The following EBF2 variants were observed in gnomAD, a reference collection of about 807,000 sequenced individuals.
EBF2 encodes the protein EBF transcription factor 2, also known as transcription factor COE2.
Under a neutral mutation model 72.8 loss-of-function variants are expected in EBF2, and 21 were observed. The observed-to-expected ratio is 0.29, with a 90% CI of 0.20 to 0.42. The LOEUF (loss-of-function observed/expected upper bound fraction) is 0.42. EBF2 is among the 10% of genes least tolerant of loss of function. The probability of loss-of-function intolerance (pLI) is 1.00; values close to 1 mark genes in which losing one functional copy is unlikely to be tolerated. For missense variants in EBF2, 637 were observed against 731.2 expected (o/e 0.87, Z 1.49); for synonymous variants, 299 against 274.2 (o/e 1.09, Z -0.89).
At position 25,850,750 on chromosome 8, in the gene EBF2, T is replaced by C. The variant is rs561096279; in HGVS notation, c.1540A>G (p.Ser514Gly). ...GTGCTGGAAGACCCAACGGTGGGAC[T>C]TGATGACATGACTGGAAAGCAAATG... ...TGSPYGIMSS[S>G]PTVGSSSTSS... The change falls in exon 15 of 16, where the codon AGT (serine) becomes GGT (glycine). Residue 514 changes from serine (S) to glycine (G), a missense_variant. This residue lies in a region of EBF2 where 259 missense variants were observed against 268.1 expected (regional missense o/e 0.97). Coordinates refer to ENST00000520164, the MANE Select transcript of EBF2 (RefSeq NM_022659.4). 3.2e-6 allele frequency: 5 copies of C among 1,561,194 alleles called. No individual in the cohort carries two copies. In the South Asian group the frequency reaches 4.9e-5, roughly 15 times the overall value.
chr8:25,879,746 C>G (rs1375903532), intron 10 of EBF2, among the ~76,000 whole-genome samples: 1 of 152,198 alleles, frequency 6.6e-6, no homozygotes, highest in African/African-American at 2.4e-5. Context: ...CATATCTCCA[C>G]TCTTTCATGG....
At chr8:26,008,050 C>T (rs572030788) in intron 6 of EBF2, among the ~76,000 whole-genome samples, 1 of 152,112 alleles carries the variant, frequency 6.6e-6, no homozygotes, top group South Asian at 2.1e-4. Context: ...AGACTCTGTC[C>T]CCAGTTCCAA....
At chr8:25,940,086 T>C (rs945903618) in intron 6 of EBF2, among the ~76,000 whole-genome samples, 2 of 152,084 alleles carry the variant, frequency 1.3e-5, no homozygotes, top group African/African-American at 4.8e-5. Context: ...AGCTAGCCAA[T>C]AGGGTATTTC....
In EBF2 at chr8:25,850,607, T is replaced by G; in HGVS notation, c.1683A>C (p.Gly561=). The change falls in exon 15 of 16, where the codon GGA becomes GGC. Residue 561 remains glycine (G), a synonymous_variant. Transcript: ENST00000520164. The part of the protein sequence containing the change: ...SPSPACSSGN[G]NGFRAMTGLV... ...ACCCTTGCTTACCTCTGAATCCATTTCCATTGCCGCTGGAGCAGGCAGGTG... is the reference window on the plus strand; with the variant it reads ...ACCCTTGCTTACCTCTGAATCCATTGCCATTGCCGCTGGAGCAGGCAGGTG... The G allele has an allele frequency of 6.4e-7, 1 of 1,561,852 alleles. No individual in the cohort carries two copies. Among genetic ancestry groups the G allele is most frequent in the Non-Finnish European group, 8.6e-7 (1 of 1,162,362 alleles).
intron 6 of EBF2, among the ~76,000 whole-genome samples, chr8:25,942,158 C>A (rs1803685847): frequency 6.6e-6 from 1 of 152,176 alleles, no homozygotes; most frequent in Non-Finnish European, 1.5e-5. Context: ...AAGCACAAGC[C>A]CCATCTGGGA....
intron 6 of EBF2, among the ~76,000 whole-genome samples, chr8:26,005,549 T>TA (rs1554480987): frequency 6.5e-5 from 1 of 15,454 alleles, no homozygotes; most frequent in East Asian, 1.0e-3. Context: ...ATTTTATATA[T>TA]ATATATATAT....
In EBF2 at chr8:26,044,395, G is replaced by A. The variant is rs1196683054; in HGVS notation, c.131+334C>T. Reference sequence around the variant, plus strand: ...CGCCGGTGTTCACGCTCCGTTCGGGGCCAGGCCGGCTCGGCTTGCAGGACT... The same window carrying A: ...CGCCGGTGTTCACGCTCCGTTCGGGACCAGGCCGGCTCGGCTTGCAGGACT... On this transcript the variant is annotated intron_variant, in intron 1 of 15. Coordinates refer to ENST00000520164, the MANE Select transcript of EBF2 (RefSeq NM_022659.4). This position sits in a 1 kb window ranked among gnomAD's most constrained non-coding sequence, Gnocchi z 4.1. Among the ~76,000 whole-genome samples the A allele has an allele frequency of 1.3e-5, 2 of 152,264 alleles. No homozygotes were observed. Among genetic ancestry groups the A allele is most frequent in the African/African-American group, 4.8e-5 (2 of 41,470 alleles).
chr8:25,911,138 A>G lies in EBF2; in HGVS notation c.552-2583T>C, dbSNP rs1803122531. Among the ~76,000 whole-genome samples, 4 of 152,078 alleles carry G rather than the reference A, an allele frequency of 2.6e-5. No individual in the cohort carries two copies. In the South Asian group the frequency reaches 8.3e-4, roughly 32 times the overall value. On this transcript the variant is annotated intron_variant, in intron 6 of 15. Coordinates refer to ENST00000520164, the MANE Select transcript of EBF2 (RefSeq NM_022659.4). ...GCCACGGGGTAACTTACAGGGAACA[A>G]ATTCTCTCCAAATCCCCTGGGTCTA... is the stretch of plus-strand genomic sequence containing the variant.
chr8:25,858,218 A>T, intron 14 of EBF2, 101 bp downstream of exon 14: 1 of 1,428,518 alleles, frequency 7.0e-7, no homozygotes, highest in Non-Finnish European at 9.8e-7. Flanking sequence ...CTCCCCGACA[A>T]CTTAGGAAGA....
At chr8:25,860,487 CTTT>C (rs57717365) in intron 13 of EBF2, among the ~76,000 whole-genome samples, 13 of 139,410 alleles carry the variant, frequency 9.3e-5, no homozygotes, top group Non-Finnish European at 9.4e-5. Flanking sequence ...ATACCCAATC[CTTT>C]TTTTTTTTTT....
chr8:26,007,489 G>C (rs1253551661), intron 6 of EBF2, among the ~76,000 whole-genome samples: 2 of 151,510 alleles, frequency 1.3e-5, no homozygotes, highest in Non-Finnish European at 2.9e-5. Context: ...TCTAATCCAG[G>C]GTCCATATGT....
chr8:26,008,181 T>C (rs1200530191), intron 6 of EBF2, among the ~76,000 whole-genome samples: 1 of 152,020 alleles, frequency 6.6e-6, no homozygotes, highest in African/African-American at 2.4e-5. Context: ...CCAAGCAGTA[T>C]TTACAGCACA....
At chr8:25,864,205 C>T (rs1190752412) in intron 10 of EBF2, among the ~76,000 whole-genome samples, 3 of 152,162 alleles carry the variant, frequency 2.0e-5, no homozygotes, top group Non-Finnish European at 4.4e-5. Flanking sequence ...AATCACTCCT[C>T]AGGAGAATGT....
chr8:25,936,026 A>T (rs1803573242), intron 6 of EBF2, among the ~76,000 whole-genome samples: 1 of 152,180 alleles, frequency 6.6e-6, no homozygotes, highest in Non-Finnish European at 1.5e-5. Context: ...ACTTCTGCGC[A>T]TTAGGAGCCG....
chr8:26,025,196 G>T (rs185610735), intron 6 of EBF2, among the ~76,000 whole-genome samples: 29 of 152,244 alleles, frequency 1.9e-4, no homozygotes, highest in Admixed American at 3.9e-4. Flanking sequence ...CGGACAGGGG[G>T]ATTCACAGAG....
chr8:25,907,997 G>C (rs1214559217), intron 7 of EBF2, among the ~76,000 whole-genome samples: 2 of 152,196 alleles, frequency 1.3e-5, no homozygotes, highest in African/African-American at 4.8e-5. Flanking sequence ...CGTGGGTCTT[G>C]TTGTCACGCT....
Position 25,844,444 on chromosome 8 carries a change from TAGG to T in EBF2, c.*162_*164del, listed in dbSNP as rs1226669355. The T allele has an allele frequency of 7.3e-5, 49 of 675,642 alleles. No homozygotes were observed. The highest frequency in any genetic ancestry group is 1.1e-4 in the Non-Finnish European group (43 of 387,480). 41.9% of individuals were successfully genotyped at this position (675,642 alleles called of 1,614,324 possible). Reference sequence around the variant, plus strand: ...GTTTGTGTAGCCACCATCAGAGCTATAGGAGGACGTGGGACCAAGTAAGATGCT... The same window carrying T: ...GTTTGTGTAGCCACCATCAGAGCTATAGGACGTGGGACCAAGTAAGATGCT... On this transcript the variant is annotated 3_prime_UTR_variant, in exon 16 of 16. Coordinates refer to ENST00000520164, the MANE Select transcript of EBF2 (RefSeq NM_022659.4).
intron 8 of EBF2, 75 bp downstream of exon 8, chr8:25,889,677 A>G (rs1365227208): frequency 8.3e-7 from 1 of 1,198,400 alleles, no homozygotes; most frequent in Non-Finnish European, 1.2e-6. Context: ...ACTCCAAGAC[A>G]TAAATTTGAA....
intron 6 of EBF2, among the ~76,000 whole-genome samples, chr8:25,999,451 C>T (rs547627053): frequency 2.6e-5 from 4 of 152,296 alleles, no homozygotes; most frequent in Admixed American, 2.0e-4. Context: ...TCTCATCTGA[C>T]GAATGCCCTG....
Sources: allele counts gnomAD v4.1 joint callset (sites outside exome capture counted in the v4.1 genomes callset), GRCh38; gene constraint gnomAD v4.1.1; regional missense constraint gnomAD v4.1.1; non-coding constraint Gnocchi (gnomAD v3.1); transcripts MANE v1.5; gene names NCBI Gene and HGNC (gene_info 2026-07-23, HGNC 2026-07-21).